The following VPS54 variants were observed in gnomAD, a reference collection of about 807,000 sequenced individuals.
The protein encoded by VPS54 is vacuolar protein sorting-associated protein 54.
In VPS54, 45 loss-of-function variants were observed where a neutral mutation model predicts 121.5. The ratio of observed to expected loss-of-function variants is 0.37; its 90% CI spans 0.29 to 0.47. The LOEUF is 0.47. Ranked by LOEUF, VPS54 falls within the 20% of genes least tolerant of loss-of-function variation. VPS54 has a pLI of 0.99. For missense variants in VPS54, 1,090 were observed against 1,131.4 expected, an observed-to-expected ratio of 0.96 and a Z score of 0.52; for synonymous variants, 371 against 385.8, an observed-to-expected ratio of 0.96 and a Z score of 0.45.
chr2:63,988,581 T>C (rs1012978944), intron 1 of VPS54, among the ~76,000 whole-genome samples: 3 of 152,242 alleles, frequency 2.0e-5, no homozygotes, highest in African/African-American at 7.2e-5. Flanking sequence ...CTGTCTTTAC[T>C]GCAATCTCTG....
At chr2:63,940,785 A>C (rs13418689) in intron 11 of VPS54, among the ~76,000 whole-genome samples, 1 of 152,248 alleles carries the variant, frequency 6.6e-6, no homozygotes, top group African/African-American at 2.4e-5. Context: ...AGAGTTCTAT[A>C]TAACTAGACA....
At chr2:63,995,312 A>G (rs1677528317) in intron 1 of VPS54, among the ~76,000 whole-genome samples, 1 of 152,252 alleles carries the variant, frequency 6.6e-6, no homozygotes, top group African/African-American at 2.4e-5. Context: ...ATTGTCATTT[A>G]TACACTTGTA....
chr2:64,008,814 GCAT>G (rs1678291274), intron 1 of VPS54, among the ~76,000 whole-genome samples: 1 of 152,158 alleles, frequency 6.6e-6, no homozygotes, highest in East Asian at 1.9e-4. Flanking sequence ...AAGAAGAATT[GCAT>G]CATCACTAAT....
At chr2:64,010,304 T>A (rs1382533076) in intron 1 of VPS54, among the ~76,000 whole-genome samples, 1 of 152,122 alleles carries the variant, frequency 6.6e-6, no homozygotes, top group Non-Finnish European at 1.5e-5. Flanking sequence ...AGTCCACAAC[T>A]GACTGCTGTT....
Position 64,009,556 on chromosome 2 carries a change from T to C in VPS54, c.-21+9382A>G, listed in dbSNP as rs895753056. The stretch of plus-strand genomic sequence containing the variant: ...GTCTCAAACTCCTGACCTCAGGTGA[T>C]CCGCCTGCCTCAGCCTCCCAAAGTG... On this transcript the variant is annotated intron_variant, in intron 1 of 22. Transcript: ENST00000272322. 6.6e-5 allele frequency among the ~76,000 whole-genome samples: 10 copies of C among 152,156 alleles called. No individual in the cohort carries two copies. In the East Asian group the frequency reaches 1.2e-3, roughly 18 times the overall value.
intron 6 of VPS54, among the ~76,000 whole-genome samples, chr2:63,962,889 G>A (rs1290974994): frequency 6.6e-6 from 1 of 151,984 alleles, no homozygotes; most frequent in Admixed American, 6.5e-5. Context: ...ATTAGGCACA[G>A]GTATTTTATA....
At chr2:63,894,585 C>T (rs952013698) in intron 22 of VPS54, among the ~76,000 whole-genome samples, 19 of 151,778 alleles carry the variant, frequency 1.3e-4, no homozygotes, top group African/African-American at 2.2e-4. Context: ...CACCTGTAGT[C>T]GCAGTTATTG....
chr2:63,967,718 C>CAAAAAAAAAAAAAAAAAAAAAAAAA lies in VPS54; in HGVS notation c.492+1238_492+1239insTTTTTTTTTTTTTTTTTTTTTTTTT, dbSNP rs56820620. Reference sequence around the variant, plus strand: ...TGGGCGACAGAGAGAGACTCTGCCTCAAAAAAAAAAAAAAAAATCTTATAA... The same window carrying CAAAAAAAAAAAAAAAAAAAAAAAAA: ...TGGGCGACAGAGAGAGACTCTGCCTCAAAAAAAAAAAAAAAAAAAAAAAAAAAAAAAAAAAAAAAAAATCTTATAA... On this transcript the variant is annotated intron_variant, in intron 5 of 22. Transcript: ENST00000272322. Among the ~76,000 whole-genome samples the CAAAAAAAAAAAAAAAAAAAAAAAAA allele has an allele frequency of 3.0e-4, 16 of 52,956 alleles. 2 individuals are homozygous for CAAAAAAAAAAAAAAAAAAAAAAAAA. Among genetic ancestry groups the CAAAAAAAAAAAAAAAAAAAAAAAAA allele is most frequent in the Admixed American group, 1.1e-3 (5 of 4,666 alleles). 34.7% of individuals were successfully genotyped at this position (52,956 alleles called of 152,430 possible). A position where few individuals can be genotyped will look rare whatever the true frequency, so the allele number is the denominator to read the frequency against.
At chr2:63,946,509 C>T (rs1327775932) in intron 9 of VPS54, among the ~76,000 whole-genome samples, 1 of 151,978 alleles carries the variant, frequency 6.6e-6, no homozygotes, top group Non-Finnish European at 1.5e-5. Flanking sequence ...TTAATCAGTG[C>T]TTGAAAGAGG....
intron 11 of VPS54, 109 bp from the exon 12 acceptor site, chr2:63,934,122 G>C (rs1190061124): frequency 5.4e-6 from 5 of 929,820 alleles, no homozygotes; most frequent in Non-Finnish European, 7.9e-6. Flanking sequence ...TCATAAATGA[G>C]TCAAAGTCAT....
intron 7 of VPS54, among the ~76,000 whole-genome samples, chr2:63,956,499 T>C (rs1011001404): frequency 3.3e-5 from 5 of 152,176 alleles, no homozygotes; most frequent in East Asian, 1.9e-4. Context: ...TATAGCTCAA[T>C]TGCCCACAGT....
intron 20 of VPS54, 115 bp downstream of exon 20, chr2:63,912,230 A>T (rs1413882277): frequency 9.6e-7 from 1 of 1,045,324 alleles, no homozygotes; most frequent in African/African-American, 1.6e-5. Flanking sequence ...TAATTGGTAA[A>T]TATCCTATGA....
intron 21 of VPS54, 90 bp downstream of exon 21, chr2:63,899,384 T>C: frequency 9.3e-7 from 1 of 1,077,712 alleles, no homozygotes; most frequent in Non-Finnish European, 1.4e-6. Flanking sequence ...CATGAACAGC[T>C]TAACTGCCAA....
At chr2:63,962,722 A>AG (rs1675825247) in intron 6 of VPS54, among the ~76,000 whole-genome samples, 1 of 152,112 alleles carries the variant, frequency 6.6e-6, no homozygotes, top group African/African-American at 2.4e-5. Flanking sequence ...GCTTTCTAAA[A>AG]GAGTACCCCA....
At position 64,012,565 on chromosome 2, in the gene VPS54, G is replaced by A. The variant is rs572871129; in HGVS notation, c.-21+6373C>T. ...CTTAACTTTCTGAGATAGAGTATAG[G>A]TGTCTACTCTTTTCCAGAGTTAATC... On this transcript the variant is annotated intron_variant, in intron 1 of 22. Transcript: ENST00000272322. 4.6e-5 allele frequency among the ~76,000 whole-genome samples: 7 copies of A among 150,796 alleles called. 1 individual carries two copies. Among genetic ancestry groups the A allele is most frequent in the Admixed American group, 3.3e-4 (5 of 15,136 alleles).
chr2:63,963,553 A>G (rs1675861527), intron 6 of VPS54, among the ~76,000 whole-genome samples: 1 of 152,120 alleles, frequency 6.6e-6, no homozygotes, highest in Non-Finnish European at 1.5e-5. Context: ...ATTAGAAGAG[A>G]CTATTTGGTC....
At chr2:63,916,810 T>C in intron 16 of VPS54, 90 bp downstream of exon 16, 1 of 1,277,596 alleles carries the variant, frequency 7.8e-7, no homozygotes, top group Non-Finnish European at 1.1e-6. Context: ...AAACTGTTAA[T>C]CCAAAATTTC....
intron 4 of VPS54, among the ~76,000 whole-genome samples, chr2:63,970,252 T>G (rs1676214043): frequency 2.1e-5 from 2 of 94,432 alleles, no homozygotes; most frequent in South Asian, 2.9e-4. Flanking sequence ...AATATATATA[T>G]AGATATATAT....
intron 1 of VPS54, among the ~76,000 whole-genome samples, chr2:64,011,086 T>C (rs1182235945): frequency 1.3e-5 from 2 of 152,218 alleles, no homozygotes; most frequent in Non-Finnish European, 2.9e-5. Flanking sequence ...CAATTTGTAA[T>C]GTTAAATTTA....
Sources: allele counts gnomAD v4.1 joint callset (sites outside exome capture counted in the v4.1 genomes callset), GRCh38; gene constraint gnomAD v4.1.1; transcripts MANE v1.5; gene names NCBI Gene and HGNC (gene_info 2026-07-23, HGNC 2026-07-21).